The following ZNF596 variants were observed in gnomAD, a reference collection of about 807,000 sequenced individuals.
ZNF596 encodes the protein zinc finger protein 596.
In ZNF596, 45 loss-of-function variants were observed where a neutral mutation model predicts 48.3. The observed-to-expected ratio is 0.93, with a 90% CI of 0.73 to 1.19. The LOEUF is 1.19. Ranked by LOEUF, ZNF596 falls within the 50% of genes most tolerant of loss-of-function variation. ZNF596 has a pLI of 0.00. For synonymous variants in ZNF596, 270 were observed against 202.0 expected, an observed-to-expected ratio of 1.34 and a Z score of -2.85; for missense variants, 848 against 599.7, an observed-to-expected ratio of 1.41 and a Z score of -4.32.
In ZNF596 at chr8:240,833, C is replaced by A. The variant is rs1478509541; in HGVS notation, c.-63C>A. 6.2e-7 allele frequency: 1 copy of A among 1,604,830 alleles called. No homozygotes were observed. The highest frequency in any genetic ancestry group is 1.3e-5 in the African/African-American group (1 of 74,670). On this transcript the variant is annotated 5_prime_UTR_variant, in exon 2 of 6. Coordinates refer to ENST00000398612, the MANE Select transcript of ZNF596 (RefSeq NM_001042416.3). Reference sequence around the variant, plus strand: ...TTTTGTTTTTGCTCAGATTTGTCTTCTTAGTGCTTGGATGGTGTGAGTGAA... The same window carrying A: ...TTTTGTTTTTGCTCAGATTTGTCTTATTAGTGCTTGGATGGTGTGAGTGAA...
intron 1 of ZNF596, chr8:237,079 G>T (rs949418496): frequency 3.8e-5 from 5 of 132,872 alleles, no homozygotes; most frequent in Non-Finnish European, 6.5e-5. Flanking sequence ...GCTGATTAAT[G>T]AGGGAAAGTT....
At chr8:241,687 A>G (rs1038464098) in intron 2 of ZNF596, among the ~76,000 whole-genome samples, 5 of 152,136 alleles carry the variant, frequency 3.3e-5, no homozygotes, top group Non-Finnish European at 7.3e-5. Flanking sequence ...TTTCCCCTAA[A>G]TCTAGAGACA....
chr8:245,192 C>A lies in ZNF596; in HGVS notation c.345C>A (p.Asp115Glu). ...HTQEDPFLCN[D>E]LGEDFTQHIA... is the part of the protein sequence containing the mutation. Reference sequence around the variant, plus strand: ...AAGAGGATCCTTTTCTATGCAATGACTTAGGAGAAGATTTCACTCAACATA... The same window carrying A: ...AAGAGGATCCTTTTCTATGCAATGAATTAGGAGAAGATTTCACTCAACATA... The change falls in exon 6 of 6, where the codon GAC becomes GAA. Residue 115 changes from aspartate to glutamate, a missense_variant. Transcript: ENST00000398612. 6.2e-7 allele frequency: 1 copy of A among 1,608,202 alleles called. No homozygotes were observed. Among genetic ancestry groups the A allele is most frequent in the Non-Finnish European group, 8.5e-7 (1 of 1,176,426 alleles).
intron 1 of ZNF596, among the ~76,000 whole-genome samples, chr8:233,873 G>C (rs970876733): frequency 6.6e-6 from 1 of 152,148 alleles, no homozygotes; most frequent in African/African-American, 2.4e-5. Context: ...GAAATCTTTA[G>C]GGGGCAGGGA....
At position 245,524 on chromosome 8, in the gene ZNF596, A is replaced by G. The variant is rs117000175; in HGVS notation, c.677A>G (p.His226Arg). ...IHTGEKPHGC[H>R]LCGKAFTHCS... ...ACTGGAGAGAAACCACACGGATGTCATCTATGTGGGAAAGCCTTTACTCAT... is the reference window on the plus strand; with the variant it reads ...ACTGGAGAGAAACCACACGGATGTCGTCTATGTGGGAAAGCCTTTACTCAT... Residue 226 changes from histidine to arginine, a missense_variant, in exon 6 of 6, where the codon CAT becomes CGT. Physicochemically the swap from His to Arg is conservative, Grantham distance 29. Coordinates refer to ENST00000398612, the MANE Select transcript of ZNF596 (RefSeq NM_001042416.3). 7 of 1,614,166 alleles carry G rather than the reference A, an allele frequency of 4.3e-6. No individual in the cohort carries two copies. The highest frequency in any genetic ancestry group is 2.2e-5 in the East Asian group (1 of 44,870).
In ZNF596 at chr8:238,628, C is replaced by CAT. The variant is rs1325603338; in HGVS notation, c.-72-2195_-72-2194insTA. Among the ~76,000 whole-genome samples, 129 of 39,856 alleles carry CAT rather than the reference C, an allele frequency of 3.2e-3. 1 individual carries two copies. Among genetic ancestry groups the CAT allele is most frequent in the African/African-American group, 7.6e-3 (126 of 16,620 alleles). 26.1% of individuals were successfully genotyped at this position (39,856 alleles called of 152,430 possible). On this transcript the variant is annotated intron_variant, in intron 1 of 5. Transcript: ENST00000398612. ...TCAGCTTTGCCAACATGGTGAAATACAAAAAAAAAAAAAAAAAAAAAAAAA... is the reference window on the plus strand; with the variant it reads ...TCAGCTTTGCCAACATGGTGAAATACATAAAAAAAAAAAAAAAAAAAAAAAAA...
intron 2 of ZNF596, 35 bp from the exon 3 acceptor site, chr8:242,852 G>C (rs746814874): frequency 2.7e-6 from 4 of 1,455,594 alleles, no homozygotes; most frequent in Non-Finnish European, 3.7e-6. Context: ...GGCAGAGATA[G>C]CCCTGTTTGC....
In ZNF596 at chr8:244,695, C is replaced by A. The variant is rs148383942; in HGVS notation, c.300C>A (p.Ser100Arg). The change falls in exon 5 of 6, where the codon AGC (serine) becomes AGA (arginine). Residue 100 changes from serine to arginine, a missense_variant. Coordinates refer to ENST00000398612, the MANE Select transcript of ZNF596 (RefSeq NM_001042416.3). ...ATCAGAAGGGCACGTCCACCATCAG[C>A]ACAATGGTAAGCTTTATGGATGCAA... ...HIYQKGTSTI[S>R]TMRSHTQEDP... The A allele has an allele frequency of 2.5e-3, 3,973 of 1,612,056 alleles. 16 individuals carry two copies. Among genetic ancestry groups the A allele is most frequent in the South Asian group, 7.0e-3 (637 of 90,910 alleles).
chr8:235,617 T>A (rs747110495), intron 1 of ZNF596, among the ~76,000 whole-genome samples: 33 of 152,246 alleles, frequency 2.2e-4, no homozygotes, highest in Admixed American at 1.0e-3. Flanking sequence ...ATTTTTGATG[T>A]ATATTAGATG....
In ZNF596 at chr8:232,681, G is replaced by T. The variant is rs553085535; in HGVS notation, c.-86G>T. On this transcript the variant is annotated 5_prime_UTR_variant, in exon 1 of 6. Coordinates refer to ENST00000398612, the MANE Select transcript of ZNF596 (RefSeq NM_001042416.3). ...CTCTTCACCGTCCGCCCATCCTATC[G>T]CGCGCGGCCTCAGGTCCCGATTCGG... 5.1e-4 allele frequency: 192 copies of T among 378,922 alleles called. No homozygotes were observed. Among genetic ancestry groups the T allele is most frequent in the African/African-American group, 3.9e-3 (180 of 46,450 alleles). 23.5% of individuals were successfully genotyped at this position (378,922 alleles called of 1,614,324 possible).
At position 245,351 on chromosome 8, in the gene ZNF596, A is replaced by C. The variant is rs2117114075; in HGVS notation, c.504A>C (p.Gly168=). ...KEIHTKCKSY[G]SHLFDYAFIQ... ...TTCACACCAAATGTAAATCATATGGAAGTCATCTATTTGATTATGCCTTTA... is the reference window on the plus strand; with the variant it reads ...TTCACACCAAATGTAAATCATATGGCAGTCATCTATTTGATTATGCCTTTA... The change falls in exon 6 of 6, where the codon GGA becomes GGC. Residue 168 remains glycine (G), a synonymous_variant. Coordinates refer to ENST00000398612, the MANE Select transcript of ZNF596 (RefSeq NM_001042416.3). 1 of 1,614,158 alleles carries C rather than the reference A, an allele frequency of 6.2e-7. No homozygotes were observed. The highest frequency in any genetic ancestry group is 8.5e-7 in the Non-Finnish European group (1 of 1,179,976).
intron 2 of ZNF596, among the ~76,000 whole-genome samples, chr8:241,218 A>G (rs994784823): frequency 1.3e-5 from 2 of 152,162 alleles, no homozygotes; most frequent in African/African-American, 4.8e-5. Context: ...GGGGAAATAA[A>G]TTCACTCATT....
intron 2 of ZNF596, among the ~76,000 whole-genome samples, chr8:241,268 G>T (rs967509651): frequency 1.3e-5 from 2 of 152,082 alleles, no homozygotes; most frequent in African/African-American, 4.8e-5. Context: ...GAGTATATGT[G>T]GGTAGGTGGT....
At chr8:240,792 GTTTTTT>G (rs1796822334) in intron 1 of ZNF596, 26 bp from the exon 2 acceptor site, 2 of 1,466,448 alleles carry the variant, frequency 1.4e-6, no homozygotes, top group East Asian at 2.3e-5. Context: ...GAGTGTCATG[GTTTTTT>G]TGTTTTTGTT....
chr8:242,789 T>C, intron 2 of ZNF596, 98 bp from the exon 3 acceptor site: 3 of 1,205,354 alleles, frequency 2.5e-6, no homozygotes, highest in Non-Finnish European at 3.2e-6. Context: ...TTTCTGTTCA[T>C]ACCACCCACA....
chr8:241,727 A>G (rs1796860767), intron 2 of ZNF596, among the ~76,000 whole-genome samples: 3 of 152,218 alleles, frequency 2.0e-5, no homozygotes, highest in African/African-American at 7.2e-5. Flanking sequence ...AATAGTACCT[A>G]GTGCATTAGT....
intron 1 of ZNF596, among the ~76,000 whole-genome samples, chr8:235,176 A>C (rs1332374916): frequency 5.9e-5 from 9 of 152,226 alleles, no homozygotes; most frequent in Non-Finnish European, 1.3e-4. Flanking sequence ...TAAAAATGGA[A>C]TCAACCTAAG....
At chr8:233,582 C>G (rs1342767967) in intron 1 of ZNF596, 2 of 156,600 alleles carry the variant, frequency 1.3e-5, no homozygotes, top group African/African-American at 4.8e-5. Context: ...GTTTAAGTAT[C>G]AAGTTTTCTT....
Position 246,124 on chromosome 8 carries a change from A to G in ZNF596, c.1277A>G (p.Lys426Arg). 6.2e-7 allele frequency: 1 copy of G among 1,613,534 alleles called. No individual in the cohort carries two copies. Among genetic ancestry groups the G allele is most frequent in the South Asian group, 1.1e-5 (1 of 91,084 alleles). The change falls in exon 6 of 6, where the codon AAA becomes AGA. Residue 426 changes from lysine (K) to arginine (R), a missense_variant. By Grantham distance (26) the Lys-to-Arg change is conservative. Transcript: ENST00000398612. ...CCATATGAATGCCATCTATGCGGAA[A>G]AGCCTTCAATCACTCTTCTGTCCTT... is the stretch of plus-strand genomic sequence containing the variant. ...EKPYECHLCG[K>R]AFNHSSVLRR...
Sources: allele counts gnomAD v4.1 joint callset (sites outside exome capture counted in the v4.1 genomes callset), GRCh38; gene constraint gnomAD v4.1.1; transcripts MANE v1.5; gene names NCBI Gene and HGNC (gene_info 2026-07-23, HGNC 2026-07-21).